Variants in TEC observed in about 807,000 individuals in gnomAD.
TEC encodes the protein tec protein tyrosine kinase.
A neutral mutation model predicts 93.0 loss-of-function variants in TEC; 72 were observed. That is an observed-to-expected ratio of 0.77 (90% confidence interval 0.64 to 0.94). The LOEUF is 0.94. Ranked by LOEUF, TEC falls within the 40% of genes least tolerant of loss-of-function variation. The probability of loss-of-function intolerance (pLI) is 0.00; values close to 1 mark genes in which losing one functional copy is unlikely to be tolerated. For missense variants in TEC, 630 were observed against 757.9 expected, an observed-to-expected ratio of 0.83 and a Z score of 1.98; for synonymous variants, 249 against 247.7, an observed-to-expected ratio of 1.01 and a Z score of -0.05.
At chr4:48,248,585 C>A (rs1724121577) in intron 1 of TEC, among the ~76,000 whole-genome samples, 1 of 152,214 alleles carries the variant, frequency 6.6e-6, no homozygotes, top group Non-Finnish European at 1.5e-5. Context: ...ATCCAGCCCA[C>A]AGAATAATCA....
chr4:48,137,307 C>A lies in TEC; in HGVS notation c.*109G>T. 1 of 819,384 alleles carries A rather than the reference C, an allele frequency of 1.2e-6. No homozygotes were observed. The highest frequency in any genetic ancestry group is 1.7e-5 in the South Asian group (1 of 58,712). The allele number at this position is 819,384 out of a possible 1,614,324, so 50.8% of individuals were successfully genotyped here. A position where few individuals can be genotyped will look rare whatever the true frequency, so the allele number is the denominator to read the frequency against. ...GAAGCAAATTATTTATGTGTTTCCA[C>A]TGTATAAGTAAAATGATCTACATGT... On this transcript the variant is annotated 3_prime_UTR_variant, in exon 18 of 18. Coordinates refer to ENST00000381501, the MANE Select transcript of TEC (RefSeq NM_003215.3).
chr4:48,145,098 C>A lies in TEC; in HGVS notation c.1451G>T (p.Ser484Ile). ...GGTTACCAGATCTCTGTGGATGAAG[C>A]TGTTTCTCTCCAGATACTCCATCCC... Reference protein sequence around the residue: ...CEGMEYLERNSFIHRDLAARN... With the variant: ...CEGMEYLERNIFIHRDLAARN... The change falls in exon 14 of 18, where the codon AGC (serine) becomes ATC (isoleucine). Residue 484 changes from serine (S) to isoleucine (I), a missense_variant. This residue lies in a region of TEC where 289 missense variants were observed against 390.0 expected (regional missense o/e 0.74). Transcript: ENST00000381501. 1 of 1,613,962 alleles carries A rather than the reference C, an allele frequency of 6.2e-7. No individual in the cohort carries two copies. The highest frequency in any genetic ancestry group is 8.5e-7 in the Non-Finnish European group (1 of 1,179,882).
chr4:48,151,861 TG>T (rs148724733), intron 9 of TEC, among the ~76,000 whole-genome samples: 7,478 of 152,270 alleles, frequency 0.049, 240 homozygotes, highest in Middle Eastern at 0.12. Flanking sequence ...TTGGAAACAA[TG>T]CTAAAGCACT....
At chr4:48,139,049 C>T (rs1350822881) in intron 15 of TEC, 27 bp from the exon 16 acceptor site, 1 of 1,560,866 alleles carries the variant, frequency 6.4e-7, no homozygotes, top group African/African-American at 1.4e-5. Flanking sequence ...CATGGGTTTA[C>T]ACCTCTGAAG....
intron 2 of TEC, among the ~76,000 whole-genome samples, chr4:48,177,480 G>T (rs1054968066): frequency 1.3e-5 from 2 of 152,040 alleles, no homozygotes; most frequent in African/African-American, 2.4e-5. Context: ...AAGCTTTGGG[G>T]TCCCCACCCC....
At chr4:48,233,392 G>A (rs906901) in intron 1 of TEC, among the ~76,000 whole-genome samples, 6 of 148,520 alleles carry the variant, frequency 4.0e-5, no homozygotes, top group Admixed American at 2.0e-4. Flanking sequence ...TGCCCAGGCC[G>A]GACTCAAATT....
At chr4:48,201,768 C>G in intron 2 of TEC, among the ~76,000 whole-genome samples, 1 of 152,042 alleles carries the variant, frequency 6.6e-6, no homozygotes, top group Non-Finnish European at 1.5e-5. Context: ...ATGTTCCAGC[C>G]TCCACCTGGA....
At chr4:48,168,738 A>G (rs1192706712) in intron 5 of TEC, 112 bp from the exon 6 acceptor site, 4 of 1,082,252 alleles carry the variant, frequency 3.7e-6, no homozygotes, top group Non-Finnish European at 5.5e-6. Flanking sequence ...GACAAGCAGC[A>G]CACTCTGACC....
intron 14 of TEC, 105 bp from the exon 15 acceptor site, chr4:48,141,524 T>C: frequency 1.8e-6 from 2 of 1,105,532 alleles, no homozygotes; most frequent in Non-Finnish European, 2.7e-6. Context: ...TAGTCAACAT[T>C]TGCAGAGAGT....
At chr4:48,266,116 C>A (rs1467423417) in intron 1 of TEC, among the ~76,000 whole-genome samples, 1 of 152,244 alleles carries the variant, frequency 6.6e-6, no homozygotes, top group Admixed American at 6.5e-5. Flanking sequence ...AATCTACACT[C>A]AGTCAAACTA....
chr4:48,168,867 G>A (rs892710943), intron 5 of TEC, among the ~76,000 whole-genome samples: 1 of 152,186 alleles, frequency 6.6e-6, no homozygotes, highest in African/African-American at 2.4e-5. Context: ...ATTGAAGCCA[G>A]GCCAGTTCTT....
rs1719849351 is a variant in TEC at position 48,145,118 on chromosome 4, C to T, written c.1431G>A (p.Met477Ile). The part of the protein sequence containing the change: ...LSMCQDVCEG[M>I]EYLERNSFIH... ...TGAAGCTGTTTCTCTCCAGATACTC[C>T]ATCCCTTCACACACATCCTGACACA... is the stretch of plus-strand genomic sequence containing the variant. The change falls in exon 14 of 18, where the codon ATG (methionine) becomes ATA (isoleucine). Residue 477 changes from methionine (M) to isoleucine (I), a missense_variant. Around this residue, in one of 3 missense-constraint regions of TEC, gnomAD observed 289 missense variants for 390.0 expected, o/e 0.74. Transcript: ENST00000381501. 6.2e-7 allele frequency: 1 copy of T among 1,613,872 alleles called. No individual in the cohort carries two copies. The highest frequency in any genetic ancestry group is 1.7e-5 in the Admixed American group (1 of 60,002).
chr4:48,260,468 C>A (rs1724472159), intron 1 of TEC, among the ~76,000 whole-genome samples: 1 of 152,144 alleles, frequency 6.6e-6, no homozygotes, highest in Non-Finnish European at 1.5e-5. Flanking sequence ...CATCTGCAAT[C>A]CTAGCTACTC....
At chr4:48,238,875 CT>C (rs1302887851) in intron 1 of TEC, among the ~76,000 whole-genome samples, 3 of 152,066 alleles carry the variant, frequency 2.0e-5, no homozygotes, top group African/African-American at 7.2e-5. Flanking sequence ...ATTTTCCAGC[CT>C]CCGACTGGCA....
At chr4:48,264,315 C>T (rs1482292677) in intron 1 of TEC, among the ~76,000 whole-genome samples, 1 of 152,196 alleles carries the variant, frequency 6.6e-6, no homozygotes, top group East Asian at 1.9e-4. Flanking sequence ...CCACTCCAAC[C>T]AGTTAGGTGA....
intron 2 of TEC, among the ~76,000 whole-genome samples, chr4:48,221,190 G>T (rs1295635577): frequency 6.6e-6 from 1 of 152,190 alleles, no homozygotes; most frequent in Non-Finnish European, 1.5e-5. Flanking sequence ...ATGGAGTTTG[G>T]GTTATACCAT....
At chr4:48,159,014 G>A (rs1043477578) in intron 8 of TEC, among the ~76,000 whole-genome samples, 12 of 151,642 alleles carry the variant, frequency 7.9e-5, no homozygotes, top group Admixed American at 5.3e-4. Flanking sequence ...ACTCATGGTC[G>A]GGATTTTCTA....
In TEC at chr4:48,145,129, A is replaced by G; in HGVS notation, c.1420T>C (p.Cys474Arg). Residue 474 changes from cysteine to arginine, a missense_variant, in exon 14 of 18, where the codon TGT (cysteine) becomes CGT (arginine). Around this residue, in one of 3 missense-constraint regions of TEC, gnomAD observed 289 missense variants for 390.0 expected, o/e 0.74. Coordinates refer to ENST00000381501, the MANE Select transcript of TEC (RefSeq NM_003215.3). ...DVLLSMCQDV[C>R]EGMEYLERNS... ...CTCTCCAGATACTCCATCCCTTCACACACATCCTGACACATGCTCAGCAGT... is the reference window on the plus strand; with the variant it reads ...CTCTCCAGATACTCCATCCCTTCACGCACATCCTGACACATGCTCAGCAGT... 1.2e-6 allele frequency: 2 copies of G among 1,613,994 alleles called. No individual in the cohort carries two copies. The highest frequency in any genetic ancestry group is 1.7e-6 in the Non-Finnish European group (2 of 1,179,906).
chr4:48,185,106 T>C (rs1219212151), intron 2 of TEC, among the ~76,000 whole-genome samples: 1 of 152,138 alleles, frequency 6.6e-6, no homozygotes, highest in East Asian at 1.9e-4. Context: ...CCCAACATCT[T>C]CTAGGGTTAC....
Sources: gnomAD v4.1 joint callset for allele counts (sites outside exome capture counted in the v4.1 genomes callset) on GRCh38, gnomAD v4.1.1 for gene constraint, gnomAD v4.1.1 regional missense constraint, MANE v1.5 for transcripts, NCBI Gene and HGNC (gene_info 2026-07-23, HGNC 2026-07-21) for gene names.